The following NUP214 variants were observed in gnomAD, a reference collection of about 807,000 sequenced individuals.
NUP214 encodes nuclear pore complex protein Nup214.
Under a neutral mutation model 196.2 loss-of-function variants are expected in NUP214, and 79 were observed. The ratio of observed to expected loss-of-function variants is 0.40; its 90% CI spans 0.34 to 0.49. The LOEUF is 0.49. Ranked by LOEUF, NUP214 falls within the 20% of genes least tolerant of loss-of-function variation. NUP214 has a pLI of 0.58. For synonymous variants in NUP214, 1,020 were observed against 990.5 expected, an observed-to-expected ratio of 1.03 and a Z score of -0.56; for missense variants, 2,468 against 2,539.0, an observed-to-expected ratio of 0.97 and a Z score of 0.60.
intron 23 of NUP214, 81 bp from the exon 24 acceptor site, chr9:131,178,230 G>T: frequency 9.5e-7 from 1 of 1,050,282 alleles, no homozygotes; most frequent in South Asian, 1.3e-5. Context: ...CTCATGTCTT[G>T]GTTTTTCATT....
intron 24 of NUP214, among the ~76,000 whole-genome samples, chr9:131,182,016 T>G (rs1471284950): frequency 6.6e-6 from 1 of 152,238 alleles, no homozygotes; most frequent in Non-Finnish European, 1.5e-5. Flanking sequence ...CCAACTTCAT[T>G]GTTTTGAATG....
At position 131,163,883 on chromosome 9, in the gene NUP214, C is replaced by T; in HGVS notation, c.2737C>T (p.Leu913=). The T allele has an allele frequency of 1.2e-6, 2 of 1,614,090 alleles. No homozygotes were observed. The highest frequency in any genetic ancestry group is 1.7e-6 in the Non-Finnish European group (2 of 1,179,990). ...GTTCTGTTTCAGTTTTGACAGTGACCTGGAAAGCCTGTGCAATGCTTTGTT... is the reference window on the plus strand; with the variant it reads ...GTTCTGTTTCAGTTTTGACAGTGACTTGGAAAGCCTGTGCAATGCTTTGTT... ...QSSIHSFDSD[L]ESLCNALLKT... The change falls in exon 20 of 36, where the codon CTG becomes TTG. Residue 913 remains leucine, a synonymous_variant. Transcript: ENST00000359428.
Position 131,197,101 on chromosome 9 carries a change from C to G in NUP214, c.3722-115C>G, listed in dbSNP as rs1168802051. The G allele has an allele frequency of 4.9e-6, 7 of 1,430,992 alleles. 1 individual carries two copies. The highest frequency in any genetic ancestry group is 4.6e-5 in the East Asian group (2 of 43,310). 88.6% of individuals were successfully genotyped at this position (1,430,992 alleles called of 1,614,324 possible). A position where few individuals can be genotyped will look rare whatever the true frequency, so the allele number is the denominator to read the frequency against. On this transcript the variant is annotated intron_variant, in intron 28 of 35. Transcript: ENST00000359428. ...AGAAAGCTGCTGTGAGAACAAGGCA[C>G]CCTGACTCTGTAGAGGGAGGAGAGA...
At chr9:131,144,112 G>C (rs910669443) in intron 11 of NUP214, among the ~76,000 whole-genome samples, 168 bp from the exon 12 acceptor site, 2 of 152,090 alleles carry the variant, frequency 1.3e-5, no homozygotes, top group Admixed American at 1.3e-4. Flanking sequence ...TATCTCATGA[G>C]ACCTGAAAAC....
At chr9:131,129,986 G>A (rs774423258) in intron 4 of NUP214, among the ~76,000 whole-genome samples, 3 of 151,998 alleles carry the variant, frequency 2.0e-5, no homozygotes, top group Non-Finnish European at 4.4e-5. Flanking sequence ...GGGATTTCTG[G>A]AGAAATATTT....
intron 27 of NUP214, chr9:131,194,168 C>CGTGTGTGTGTGTGTGT (rs555926078): frequency 1.4e-5 from 2 of 142,816 alleles, no homozygotes; most frequent in African/African-American, 5.2e-5. Flanking sequence ...TTGAACTTTG[C>CGTGTGTGTGTGTGTGT]GTGTGTGTGT....
chr9:131,127,189 C>T, intron 1 of NUP214: 1 of 167,452 alleles, frequency 6.0e-6, no homozygotes, highest in Admixed American at 6.1e-5. Context: ...TCGAGACTAG[C>T]CTGGCCAACA....
intron 11 of NUP214, among the ~76,000 whole-genome samples, chr9:131,141,497 T>TTA (rs1334709324): frequency 6.6e-6 from 1 of 150,792 alleles, no homozygotes; most frequent in Admixed American, 6.6e-5. Flanking sequence ...TTTTTTTTTT[T>TTA]TGTGGAGACA....
In NUP214 at chr9:131,139,207, A is replaced by G. The variant is rs899448400; in HGVS notation, c.1006-74A>G. On this transcript the variant is annotated intron_variant, in intron 9 of 35. Transcript: ENST00000359428. The stretch of plus-strand genomic sequence containing the variant: ...ATTTGAACAATGTTAGGAGGAACCA[A>G]TGCAAAGCTCTAACCAACATGGCTT... The G allele has an allele frequency of 3.8e-5, 53 of 1,387,334 alleles. No individual in the cohort carries two copies. The African/African-American group carries it at 7.0e-4, about 18-fold the overall frequency. 85.9% of individuals were successfully genotyped at this position (1,387,334 alleles called of 1,614,324 possible).
chr9:131,197,094 C>A, intron 28 of NUP214, 122 bp from the exon 29 acceptor site: 1 of 1,369,776 alleles, frequency 7.3e-7, no homozygotes, highest in Non-Finnish European at 9.9e-7. Flanking sequence ...GCTGTGAGAA[C>A]AAGGCACCCT....
intron 11 of NUP214, among the ~76,000 whole-genome samples, chr9:131,143,722 A>G (rs1005218048): frequency 1.3e-5 from 2 of 151,966 alleles, no homozygotes; most frequent in African/African-American, 4.8e-5. Context: ...GTCATTTGCT[A>G]TGGATCTTTT....
At position 131,197,229 on chromosome 9, in the gene NUP214, C is replaced by T; in HGVS notation, c.3735C>T (p.Ser1245=). The T allele has an allele frequency of 6.2e-7, 1 of 1,614,136 alleles. No individual in the cohort carries two copies. Among genetic ancestry groups the T allele is most frequent in the Non-Finnish European group, 8.5e-7 (1 of 1,179,976 alleles). The change falls in exon 29 of 36, where the codon TCC becomes TCT. Residue 1245 remains serine, a synonymous_variant. Transcript: ENST00000359428. ...TTTTCTTGCTAGGGGCAACACCCTCCACTAAAGAGTCAAGCCAGCCGGACG... is the reference window on the plus strand; with the variant it reads ...TTTTCTTGCTAGGGGCAACACCCTCTACTAAAGAGTCAAGCCAGCCGGACG... ...NFTAAQGATP[S]TKESSQPDAF...
chr9:131,192,941 CAAAAAAA>C (rs34653431), intron 27 of NUP214, among the ~76,000 whole-genome samples: 67 of 31,046 alleles, frequency 2.2e-3, no homozygotes, highest in Non-Finnish European at 3.7e-3. Context: ...ACCCCGTCTC[CAAAAAAA>C]AAAAAAAAAA....
Position 131,139,356 on chromosome 9 carries a change from T to A in NUP214, c.1081T>A (p.Leu361Met). ...LPVTDKSDDS[L>M]PMGVVVDYTN... ...TGTGACAGACAAGAGTGATGACTCC[T>A]TGCCCATGGGAGTTGTCGTAGACTA... Residue 361 changes from leucine to methionine, a missense_variant, in exon 10 of 36, where the codon TTG becomes ATG. By Grantham distance (15) the Leu-to-Met change is conservative. Transcript: ENST00000359428. 1 of 1,607,284 alleles carries A rather than the reference T, an allele frequency of 6.2e-7. No homozygotes were observed. The highest frequency in any genetic ancestry group is 2.3e-5 in the East Asian group (1 of 44,190).
chr9:131,173,003 G>A (rs1833001579), intron 21 of NUP214, among the ~76,000 whole-genome samples: 1 of 152,174 alleles, frequency 6.6e-6, no homozygotes, highest in Admixed American at 6.5e-5. Context: ...ACTCTTCGTA[G>A]TCTAAACAGA....
At chr9:131,223,727 A>ATTTATTTATTTATTTATTTATTTATT in intron 32 of NUP214, among the ~76,000 whole-genome samples, 7 of 15,656 alleles carry the variant, frequency 4.5e-4, no homozygotes, top group East Asian at 4.9e-3. Context: ...TTATTTATTT[A>ATTTATTTATTTATTTATTTATTTATT]TTTTTTTTTT....
At chr9:131,136,783 A>C (rs903319008) in intron 9 of NUP214, 24 of 152,224 alleles carry the variant, frequency 1.6e-4, no homozygotes, top group Non-Finnish European at 2.9e-5. Context: ...GGGCCCAGGT[A>C]GTGGTGGTGC....
At chr9:131,175,792 C>A in intron 23 of NUP214, 171 bp downstream of exon 23, 1 of 996,296 alleles carries the variant, frequency 1.0e-6, no homozygotes, top group Non-Finnish European at 1.4e-6. Context: ...AAAGCAGAGA[C>A]TAGGTCTGAA....
intron 31 of NUP214, 73 bp from the exon 32 acceptor site, chr9:131,222,705 T>A: frequency 6.6e-7 from 1 of 1,520,618 alleles, no homozygotes; most frequent in Non-Finnish European, 8.9e-7. Context: ...CAACTGAGAC[T>A]TTTTCTGTGT....
Sources: allele counts gnomAD v4.1 joint callset (sites outside exome capture counted in the v4.1 genomes callset), GRCh38; gene constraint gnomAD v4.1.1; transcripts MANE v1.5; gene names NCBI Gene and HGNC (gene_info 2026-07-23, HGNC 2026-07-21).